Variants in SGCZ observed in about 807,000 individuals in gnomAD.
SGCZ encodes the protein zeta-sarcoglycan.
A neutral mutation model predicts 41.3 loss-of-function variants in SGCZ; 40 were observed. The observed-to-expected ratio is 0.97, with a 90% confidence interval of 0.75 to 1.26. SGCZ has a LOEUF of 1.26. Ranked by LOEUF, SGCZ falls within the 50% of genes most tolerant of loss-of-function variation. The pLI, the probability that SGCZ is intolerant of heterozygous loss-of-function variation, is 0.00. For synonymous variants in SGCZ, 206 were observed against 137.5 expected, an observed-to-expected ratio of 1.50 and a Z score of -3.49; for missense variants, 552 against 369.8, an observed-to-expected ratio of 1.49 and a Z score of -4.04.
intron 1 of SGCZ, among the ~76,000 whole-genome samples, chr8:15,088,511 A>C (rs183450986): frequency 6.6e-6 from 1 of 152,316 alleles, no homozygotes. Flanking sequence ...CATGTACTTT[A>C]TATAAATGGA....
At chr8:14,409,420 C>G (rs1799300880) in intron 2 of SGCZ, among the ~76,000 whole-genome samples, 1 of 151,834 alleles carries the variant, frequency 6.6e-6, no homozygotes, top group South Asian at 2.1e-4. Context: ...ATTTCAATAT[C>G]CTCTATTTTG....
At chr8:14,615,710 A>C (rs565669296) in intron 1 of SGCZ, among the ~76,000 whole-genome samples, 2 of 152,306 alleles carry the variant, frequency 1.3e-5, no homozygotes, top group South Asian at 2.1e-4. Flanking sequence ...AAATAAAGCA[A>C]TAGTTATAAC....
intron 1 of SGCZ, among the ~76,000 whole-genome samples, chr8:15,228,813 A>T (rs1019763703): frequency 2.6e-5 from 4 of 152,242 alleles, no homozygotes; most frequent in African/African-American, 9.6e-5. Flanking sequence ...TTACACAACT[A>T]TCGTAGACAA....
At position 14,230,314 on chromosome 8, in the gene SGCZ, T is replaced by G. The variant is rs149461695; in HGVS notation, c.424+7278A>C. Among the ~76,000 whole-genome samples, 21 of 152,240 alleles carry G rather than the reference T, an allele frequency of 1.4e-4. No homozygotes were observed. In the East Asian group the frequency reaches 3.9e-3, roughly 28 times the overall value. ...GGTCATGTGTATAGAGTAGTACACA[T>G]GCAGTGTGAACAAAAAAATCACAAT... On this transcript the variant is annotated intron_variant, in intron 4 of 7. Coordinates refer to ENST00000382080, the MANE Select transcript of SGCZ (RefSeq NM_139167.4).
chr8:14,618,638 A>G (rs1806184164), intron 1 of SGCZ, among the ~76,000 whole-genome samples: 1 of 152,232 alleles, frequency 6.6e-6, no homozygotes, highest in Admixed American at 6.5e-5. Context: ...GAGTCAATGA[A>G]GGATTTTAAA....
At chr8:14,613,025 T>A (rs1026660430) in intron 1 of SGCZ, among the ~76,000 whole-genome samples, 1 of 151,952 alleles carries the variant, frequency 6.6e-6, no homozygotes, top group Non-Finnish European at 1.5e-5. Flanking sequence ...AGCCTCCTGG[T>A]CTGGGGAAAG....
chr8:15,226,354 T>C (rs764272105), intron 1 of SGCZ, among the ~76,000 whole-genome samples: 1 of 152,204 alleles, frequency 6.6e-6, no homozygotes, highest in Non-Finnish European at 1.5e-5. Context: ...TTGTTAAGCA[T>C]AACTCATGGC....
chr8:14,516,987 G>T (rs1802640617), intron 2 of SGCZ, among the ~76,000 whole-genome samples: 1 of 152,014 alleles, frequency 6.6e-6, no homozygotes, highest in African/African-American at 2.4e-5. Context: ...ATAGATACAA[G>T]GGTGGAGCCA....
chr8:14,430,678 C>A (rs183387650), intron 2 of SGCZ, among the ~76,000 whole-genome samples: 108 of 152,216 alleles, frequency 7.1e-4, no homozygotes, highest in Non-Finnish European at 1.4e-3. Flanking sequence ...CAACACAGTA[C>A]TTGAAGTTCT....
At chr8:14,750,449 T>G (rs1009664883) in intron 1 of SGCZ, among the ~76,000 whole-genome samples, 1 of 152,142 alleles carries the variant, frequency 6.6e-6, no homozygotes, top group African/African-American at 2.4e-5. Flanking sequence ...CATTTCTGCC[T>G]TAATAGGTAG....
chr8:14,354,783 T>G (rs1803234480), intron 2 of SGCZ, among the ~76,000 whole-genome samples: 2 of 151,974 alleles, frequency 1.3e-5, no homozygotes, highest in South Asian at 4.1e-4. Flanking sequence ...CTAAAAAACA[T>G]GACTTTAAAT....
At chr8:14,557,622 C>T (rs1426896328) in intron 1 of SGCZ, among the ~76,000 whole-genome samples, 1 of 151,978 alleles carries the variant, frequency 6.6e-6, no homozygotes, top group African/African-American at 2.4e-5. Flanking sequence ...GATGAGGATC[C>T]AGTTTCATTA....
intron 3 of SGCZ, among the ~76,000 whole-genome samples, chr8:14,321,800 C>T (rs1449124035): frequency 6.6e-6 from 1 of 151,956 alleles, no homozygotes; most frequent in Non-Finnish European, 1.5e-5. Flanking sequence ...TATGAAAATC[C>T]GTGAAAAGAT....
intron 1 of SGCZ, among the ~76,000 whole-genome samples, chr8:15,094,238 A>C (rs913910240): frequency 1.3e-5 from 2 of 151,986 alleles, no homozygotes; most frequent in East Asian, 3.9e-4. Context: ...AGGTTCAAGC[A>C]ATCCTCCCAC....
chr8:14,352,527 C>T (rs777665992), intron 2 of SGCZ, among the ~76,000 whole-genome samples: 22 of 152,092 alleles, frequency 1.4e-4, no homozygotes, highest in Non-Finnish European at 2.9e-4. Context: ...CAAATGACAG[C>T]ACACTGAATA....
intron 3 of SGCZ, among the ~76,000 whole-genome samples, chr8:14,257,994 T>C (rs1252185245): frequency 6.6e-6 from 1 of 152,150 alleles, no homozygotes; most frequent in Non-Finnish European, 1.5e-5. Flanking sequence ...GCAAATGAAA[T>C]GTCGGGGGAA....
chr8:14,429,101 C>T (rs1799871268), intron 2 of SGCZ, among the ~76,000 whole-genome samples: 1 of 152,212 alleles, frequency 6.6e-6, no homozygotes, highest in Non-Finnish European at 1.5e-5. Context: ...GAATAGATCA[C>T]AGAACATTAT....
chr8:15,096,551 A>C (rs1057058381), intron 1 of SGCZ, among the ~76,000 whole-genome samples: 16 of 152,184 alleles, frequency 1.1e-4, no homozygotes, highest in Non-Finnish European at 2.2e-4. Context: ...AGAACATGTA[A>C]TGCTTCCACC....
At chr8:14,258,564 A>C (rs1023124067) in intron 3 of SGCZ, among the ~76,000 whole-genome samples, 1 of 152,188 alleles carries the variant, frequency 6.6e-6, no homozygotes, top group East Asian at 1.9e-4. Flanking sequence ...TTCTCCAAAA[A>C]AATACTGATA....
Sources: allele counts gnomAD v4.1 joint callset (sites outside exome capture counted in the v4.1 genomes callset), GRCh38; gene constraint gnomAD v4.1.1; transcripts MANE v1.5; gene names NCBI Gene and HGNC (gene_info 2026-07-23, HGNC 2026-07-21).